Variants in KRT76 observed in about 807,000 individuals in gnomAD.
KRT76 encodes the protein keratin, type II cytoskeletal 2 oral.
KRT76 carries 47 observed loss-of-function variants against 44.9 expected under a neutral mutation model. The ratio of observed to expected loss-of-function variants is 1.05; its 90% CI spans 0.83 to 1.33. The LOEUF (loss-of-function observed/expected upper bound fraction) is 1.33. Ranked by LOEUF, KRT76 falls within the 40% of genes most tolerant of loss-of-function variation. KRT76 has a pLI of 0.00. For synonymous variants in KRT76, 331 were observed against 294.1 expected (o/e 1.13, Z -1.28); for missense variants, 860 against 775.8 (o/e 1.11, Z -1.29).
At chr12:52,772,907 T>C (rs968392437) in intron 3 of KRT76, 29 bp from the exon 4 acceptor site, 1 of 1,533,680 alleles carries the variant, frequency 6.5e-7, no homozygotes, top group South Asian at 1.1e-5. Context: ...ACCCAGAGAA[T>C]GACCCTCTGT....
rs1358019453 is a variant in KRT76 at position 52,775,614 on chromosome 12, A to G, written c.601-12T>C. 6.2e-7 allele frequency: 1 copy of G among 1,610,054 alleles called. No homozygotes were observed. The highest frequency in any genetic ancestry group is 8.5e-7 in the Non-Finnish European group (1 of 1,177,744). On this transcript the variant is annotated splice_polypyrimidine_tract_variant and intron_variant, in intron 1 of 8. Transcript: ENST00000332411. ...TCCAGGAACCGCACCTGCATGAAAG[A>G]GGGGAGAAAAGGAGTCAGCCCCTTG...
rs1470474006 is a variant in KRT76 at position 52,768,534 on chromosome 12, C to T, written c.*179G>A. On this transcript the variant is annotated 3_prime_UTR_variant, in exon 9 of 9. Coordinates refer to ENST00000332411, the MANE Select transcript of KRT76 (RefSeq NM_015848.4). The stretch of plus-strand genomic sequence containing the variant: ...TCATCATCCCAGACCAGCAGCAGGA[C>T]CTCCATGGCCCTGGGAAGGTCATGG... 2 of 650,354 alleles carry T rather than the reference C, an allele frequency of 3.1e-6. No individual in the cohort carries two copies. The highest frequency in any genetic ancestry group is 2.7e-5 in the Admixed American group (1 of 37,150). The allele number at this position is 650,354 out of a possible 1,614,324, so 40.3% of individuals were successfully genotyped here.
rs147716256 is a variant in KRT76 at position 52,775,494 on chromosome 12, A to C, written c.709T>G (p.Tyr237Asp). The C allele has an allele frequency of 1.2e-6, 2 of 1,614,188 alleles. No homozygotes were observed. Residue 237 changes from tyrosine to aspartate, a missense_variant, in exon 2 of 9, where the codon TAC (tyrosine) becomes GAC (aspartate). By Grantham distance (160) the Tyr-to-Asp change is radical. Coordinates refer to ENST00000332411, the MANE Select transcript of KRT76 (RefSeq NM_015848.4). The stretch of plus-strand genomic sequence containing the variant: ...AGCTGCTTGCATAGGAAGCTGATGT[A>C]GGATTCAAAACAAGGCTCCAGGCTG... ...PSSLEPCFES[Y>D]ISFLCKQLDS...
intron 6 of KRT76, among the ~76,000 whole-genome samples, chr12:52,771,658 A>G (rs1343636664): frequency 1.3e-5 from 2 of 152,254 alleles, no homozygotes; most frequent in African/African-American, 2.4e-5. Flanking sequence ...TAGGCAAACT[A>G]GAATAAACAA....
At position 52,776,767 on chromosome 12, in the gene KRT76, C is replaced by G. The variant is rs753789537; in HGVS notation, c.525G>C (p.Gln175His). Residue 175 changes from glutamine to histidine, a missense_variant, in exon 1 of 9, where the codon CAG becomes CAC. Physicochemically the swap from Gln to His is conservative, Grantham distance 24 (BLOSUM62 0). Coordinates refer to ENST00000332411, the MANE Select transcript of KRT76 (RefSeq NM_015848.4). ...LQPLNVEIDP[Q>H]IGQVKAQERE... ...GCTCCTGGGCCTTTACTTGCCCAAT[C>G]TGGGGGTCGATCTCCACATTGAGGG... is the stretch of plus-strand genomic sequence containing the variant. The G allele has an allele frequency of 3.7e-6, 6 of 1,613,966 alleles. No individual in the cohort carries two copies. The East Asian group carries it at 1.3e-4, about 36-fold the overall frequency.
At position 52,776,822 on chromosome 12, in the gene KRT76, T is replaced by G. The variant is rs763218910; in HGVS notation, c.470A>C (p.Glu157Ala). 51 of 1,613,970 alleles carry G rather than the reference T, an allele frequency of 3.2e-5. No individual in the cohort carries two copies. The highest frequency in any genetic ancestry group is 4.2e-5 in the Non-Finnish European group (50 of 1,179,984). ...CAGGAGACTCTGGTTTACAATCACTTCCTGAATTCCCCCAGGAAAGCCCCC... is the reference window on the plus strand; with the variant it reads ...CAGGAGACTCTGGTTTACAATCACTGCCTGAATTCCCCCAGGAAAGCCCCC... The part of the protein sequence containing the change: ...GPGGFPGGIQ[E>A]VIVNQSLLQP... The change falls in exon 1 of 9, where the codon GAA (glutamate) becomes GCA (alanine). Residue 157 changes from glutamate (E) to alanine (A), a missense_variant. By Grantham distance (107) the Glu-to-Ala change is moderately radical. Transcript: ENST00000332411.
Position 52,768,291 on chromosome 12 carries a change from C to A in KRT76, c.*422G>T, listed in dbSNP as rs186374952. 1.7e-4 allele frequency: 28 copies of A among 161,858 alleles called. No homozygotes were observed. Among genetic ancestry groups the A allele is most frequent in the Admixed American group, 9.4e-4 (15 of 15,946 alleles). The allele number at this position is 161,858 out of a possible 1,614,324, so 10.0% of individuals were successfully genotyped here. The stretch of plus-strand genomic sequence containing the variant: ...GTAGGGAGGGTTCCCTGGGAACCAG[C>A]AGTCTGGAGATCTTGGCCGTGCACC... On this transcript the variant is annotated 3_prime_UTR_variant, in exon 9 of 9. Transcript: ENST00000332411.
rs374515260 is a variant in KRT76 at position 52,775,642 on chromosome 12, T to A, written c.601-40A>T. 34 of 1,558,356 alleles carry A rather than the reference T, an allele frequency of 2.2e-5. No individual in the cohort carries two copies. In the African/African-American group the frequency reaches 3.4e-4, roughly 16 times the overall value. On this transcript the variant is annotated intron_variant, in intron 1 of 8. Transcript: ENST00000332411. ...GGAGAAAAGGAGTCAGCCCCTTGAGTTGGGCATGTGGGGCTGCCCATCCCA... is the reference window on the plus strand; with the variant it reads ...GGAGAAAAGGAGTCAGCCCCTTGAGATGGGCATGTGGGGCTGCCCATCCCA...
At chr12:52,773,745 G>T in intron 2 of KRT76, 103 bp from the exon 3 acceptor site, 1 of 862,762 alleles carries the variant, frequency 1.2e-6, no homozygotes, top group Non-Finnish European at 1.9e-6. Context: ...GACAGGACGA[G>T]CTTCATGGGC....
Position 52,769,316 on chromosome 12 carries a change from G to A in KRT76, c.1520-206C>T, listed in dbSNP as rs540443994. ...AACCAGAAATCTACAGAAATTTCTGGTTTTCCAACCTAGGCCACTCCCCAA... is the reference window on the plus strand; with the variant it reads ...AACCAGAAATCTACAGAAATTTCTGATTTTCCAACCTAGGCCACTCCCCAA... On this transcript the variant is annotated intron_variant, in intron 8 of 8. Transcript: ENST00000332411. 3.3e-5 allele frequency among the ~76,000 whole-genome samples: 5 copies of A among 152,328 alleles called. No individual in the cohort carries two copies. In the South Asian group the frequency reaches 8.3e-4, roughly 25 times the overall value.
At chr12:52,776,103 C>T (rs1939258022) in intron 1 of KRT76, among the ~76,000 whole-genome samples, 1 of 152,208 alleles carries the variant, frequency 6.6e-6, no homozygotes, top group South Asian at 2.1e-4. Flanking sequence ...AGAAGTTTCA[C>T]ATAGGAAGAC....
chr12:52,768,999 C>CTA lies in KRT76; in HGVS notation c.1630_1631insTA (p.Ser544IlefsTer51). The CTA allele has an allele frequency of 1.1e-6, 1 of 940,122 alleles. No homozygotes were observed. Among genetic ancestry groups the CTA allele is most frequent in the Non-Finnish European group, 1.7e-6 (1 of 587,098 alleles). The allele number at this position is 940,122 out of a possible 1,614,324, so 58.2% of individuals were successfully genotyped here. A position where few individuals can be genotyped will look rare whatever the true frequency, so the allele number is the denominator to read the frequency against. On this transcript the variant is annotated frameshift_variant, in exon 9 of 9. Transcript: ENST00000332411. LOFTEE classifies it low-confidence loss of function (END_TRUNC). ...ACTGACTCCATAGCCACTGCTGCTG[C>CTA]TGCTGCTGCTGCCGCCTTTGTAGCC...
At position 52,771,032 on chromosome 12, in the gene KRT76, G is replaced by A. The variant is rs370691778; in HGVS notation, c.1451C>T (p.Thr484Ile). The change falls in exon 7 of 9, where the codon ACC (threonine) becomes ATC (isoleucine). Residue 484 changes from threonine to isoleucine, a missense_variant. By Grantham distance (89) the Thr-to-Ile change is moderately conservative. Transcript: ENST00000332411. ...VKLALDVEIA[T>I]YRKLLEGEEC... is the part of the protein sequence containing the mutation. ...CTCTCCCTCCAGCAGCTTGCGGTAG[G>A]TGGCAATCTCCACATCCAGGGCCAG... The A allele has an allele frequency of 4.3e-6, 7 of 1,614,100 alleles. No individual in the cohort carries two copies. The East Asian group carries it at 1.3e-4, about 31-fold the overall frequency.
Position 52,772,837 on chromosome 12 carries a change from G to A in KRT76, c.918C>T (p.Ala306=). The change falls in exon 4 of 9, where the codon GCC becomes GCT. Residue 306 remains alanine, a synonymous_variant. Coordinates refer to ENST00000332411, the MANE Select transcript of KRT76 (RefSeq NM_015848.4). ...AAFMNKVELQ[A]KVDSLTDEVS... is the part of the protein sequence containing the mutation. ...CTTCATCTGTCAGGCTGTCCACTTT[G>A]GCCTGCAGCTCCACCTTGTTCATGA... 6.2e-7 allele frequency: 1 copy of A among 1,614,094 alleles called. No homozygotes were observed.
In KRT76 at chr12:52,776,812, T is replaced by G. The variant is rs761031890; in HGVS notation, c.480A>C (p.Val160=). 13 of 1,613,854 alleles carry G rather than the reference T, an allele frequency of 8.1e-6. No individual in the cohort carries two copies. Among genetic ancestry groups the G allele is most frequent in the African/African-American group, 2.7e-5 (2 of 74,850 alleles). ...GFPGGIQEVI[V]NQSLLQPLNV... is the part of the protein sequence containing the mutation. ...TGAGGGGCTGCAGGAGACTCTGGTT[T>G]ACAATCACTTCCTGAATTCCCCCAG... The change falls in exon 1 of 9, where the codon GTA becomes GTC. Residue 160 remains valine, a synonymous_variant. Transcript: ENST00000332411.
At chr12:52,776,509 C>T (rs1200471893) in intron 1 of KRT76, among the ~76,000 whole-genome samples, 183 bp downstream of exon 1, 2 of 152,198 alleles carry the variant, frequency 1.3e-5, no homozygotes, top group East Asian at 1.9e-4. Context: ...CCCCATTTCA[C>T]AGCTGGAAAA....
Position 52,768,186 on chromosome 12 carries a change from A to G in KRT76, c.*527T>C, listed in dbSNP as rs1397246393. 6.5e-6 allele frequency: 1 copy of G among 153,294 alleles called. No individual in the cohort carries two copies. Among genetic ancestry groups the G allele is most frequent in the Non-Finnish European group, 1.5e-5 (1 of 68,534 alleles). The allele number at this position is 153,294 out of a possible 1,614,324, so 9.5% of individuals were successfully genotyped here. On this transcript the variant is annotated 3_prime_UTR_variant, in exon 9 of 9. Transcript: ENST00000332411. ...TCAGTGCAATTTATTGAGAAAAGAA[A>G]GTGCAACATACTCATCACCAGAGGA...
At chr12:52,769,620 T>A (rs1555177005) in intron 7 of KRT76, 37 bp from the exon 8 acceptor site, 1 of 1,595,612 alleles carries the variant, frequency 6.3e-7, no homozygotes. Flanking sequence ...CTTTCTGTTA[T>A]GAGTCAATAA....
chr12:52,772,513 G>A (rs932655188), intron 4 of KRT76, among the ~76,000 whole-genome samples: 1 of 152,208 alleles, frequency 6.6e-6, no homozygotes, highest in Admixed American at 6.5e-5. Context: ...GTTTCCATGG[G>A]CCCCCAGCAG....
Sources: allele counts gnomAD v4.1 joint callset (sites outside exome capture counted in the v4.1 genomes callset), GRCh38; gene constraint gnomAD v4.1.1; transcripts MANE v1.5; gene names NCBI Gene and HGNC (gene_info 2026-07-23, HGNC 2026-07-21).